GPC6: variants seen among roughly 807,000 people sequenced by gnomAD.
GPC6 encodes the protein glypican 6.
Under a neutral mutation model 55.2 loss-of-function variants are expected in GPC6, and 14 were observed. The observed-to-expected ratio is 0.25, with a 90% CI of 0.17 to 0.40. The LOEUF (loss-of-function observed/expected upper bound fraction) is 0.40, where lower values mean the gene tolerates loss of function less well. Among genes scored for constraint, GPC6 ranks in the 10% least tolerant of loss-of-function variants. The probability of loss-of-function intolerance (pLI) is 1.00; values close to 1 mark genes in which losing one functional copy is unlikely to be tolerated. For missense variants in GPC6, 641 were observed against 708.5 expected, an observed-to-expected ratio of 0.90 and a Z score of 1.08; for synonymous variants, 278 against 259.6, an observed-to-expected ratio of 1.07 and a Z score of -0.68.
At chr13:93,798,149 T>C (rs1469272959) in intron 2 of GPC6, among the ~76,000 whole-genome samples, 1 of 152,162 alleles carries the variant, frequency 6.6e-6, no homozygotes, top group African/African-American at 2.4e-5. Context: ...AGGTCTAGGG[T>C]GTGACTACCT....
In GPC6 at chr13:93,752,141, G is replaced by A. The variant is rs544474641; in HGVS notation, c.320-78013G>A. ...GGAGTAAGTTGGTTCCGAGTAAGTA[G>A]AGGACCACATAGACTGTATAATTTT... is the stretch of plus-strand genomic sequence containing the variant. On this transcript the variant is annotated intron_variant, in intron 2 of 8. Transcript: ENST00000377047. Among the ~76,000 whole-genome samples the A allele has an allele frequency of 7.9e-5, 12 of 152,124 alleles. No homozygotes were observed. The South Asian group carries it at 2.3e-3, about 29-fold the overall frequency.
In GPC6 at chr13:93,255,420, A is replaced by G. The variant is rs143990366; in HGVS notation, c.160+27804A>G. ...ACCATAGTCACCATACTGATCTAAC[A>G]CTGTCTCTTTTTTCTATCACATTTC... On this transcript the variant is annotated intron_variant, in intron 1 of 8. Coordinates refer to ENST00000377047, the MANE Select transcript of GPC6 (RefSeq NM_005708.5). Among the ~76,000 whole-genome samples the G allele has an allele frequency of 2.0e-5, 3 of 152,234 alleles. No homozygotes were observed. The East Asian group carries it at 5.8e-4, about 29-fold the overall frequency.
chr13:93,236,882 T>C (rs1305862343), intron 1 of GPC6, among the ~76,000 whole-genome samples: 1 of 152,208 alleles, frequency 6.6e-6, no homozygotes, highest in Non-Finnish European at 1.5e-5. Context: ...CCATCCAAGT[T>C]ACTGCAAAAG....
chr13:94,133,903 G>A (rs1887092964), intron 4 of GPC6, among the ~76,000 whole-genome samples: 1 of 152,026 alleles, frequency 6.6e-6, no homozygotes, highest in Admixed American at 6.6e-5. Flanking sequence ...GCCAAAGACA[G>A]GTACACACAA....
intron 3 of GPC6, among the ~76,000 whole-genome samples, chr13:93,897,941 A>G (rs1182481970): frequency 1.3e-5 from 2 of 152,160 alleles, no homozygotes; most frequent in African/African-American, 2.4e-5. Context: ...CAGTCATATC[A>G]TCTAAAACTT....
chr13:94,358,450 G>A (rs1221847254), intron 6 of GPC6, among the ~76,000 whole-genome samples: 1 of 152,124 alleles, frequency 6.6e-6, no homozygotes, highest in Non-Finnish European at 1.5e-5. Flanking sequence ...TATAGGCTTA[G>A]AAGAAGTGAA....
At chr13:93,773,913 C>T (rs892142045) in intron 2 of GPC6, among the ~76,000 whole-genome samples, 10 of 152,254 alleles carry the variant, frequency 6.6e-5, no homozygotes, top group African/African-American at 2.2e-4. Context: ...TATAGCAGTA[C>T]GTAGTGCCCA....
At chr13:94,174,101 G>A (rs561536432) in intron 4 of GPC6, among the ~76,000 whole-genome samples, 4 of 152,272 alleles carry the variant, frequency 2.6e-5, no homozygotes, top group African/African-American at 7.2e-5. Context: ...AATAAATCAT[G>A]TACTACTGTA....
intron 1 of GPC6, among the ~76,000 whole-genome samples, chr13:93,489,934 C>G (rs1266327299): frequency 6.6e-6 from 1 of 151,518 alleles, no homozygotes; most frequent in Non-Finnish European, 1.5e-5. Flanking sequence ...TTGACTTCCT[C>G]TTTTCCTAAT....
At chr13:93,924,490 A>G (rs939518659) in intron 3 of GPC6, among the ~76,000 whole-genome samples, 1 of 152,104 alleles carries the variant, frequency 6.6e-6, no homozygotes, top group Non-Finnish European at 1.5e-5. Context: ...ATTTAGGGGG[A>G]AAAAAAGCAT....
At chr13:94,133,250 C>G (rs1460644808) in intron 4 of GPC6, among the ~76,000 whole-genome samples, 1 of 116,648 alleles carries the variant, frequency 8.6e-6, no homozygotes, top group Non-Finnish European at 1.6e-5. Context: ...GCCCACCATA[C>G]AGGTACTGAC....
chr13:93,961,067 G>T (rs925690703), intron 3 of GPC6, among the ~76,000 whole-genome samples: 1 of 152,078 alleles, frequency 6.6e-6, no homozygotes. Context: ...GCCTGCCTTG[G>T]CCTCCCAAAG....
At chr13:93,331,589 G>T (rs1879847521) in intron 1 of GPC6, among the ~76,000 whole-genome samples, 1 of 151,860 alleles carries the variant, frequency 6.6e-6, no homozygotes, top group East Asian at 2.0e-4. Context: ...TAATATGGAA[G>T]ATATTTTAAA....
chr13:94,284,457 T>G (rs1045021530), intron 4 of GPC6, among the ~76,000 whole-genome samples: 29 of 53,954 alleles, frequency 5.4e-4, no homozygotes, highest in Admixed American at 3.2e-3. Context: ...TACATGTATG[T>G]TTTTTTTTTA....
chr13:93,746,714 T>G (rs1024356800), intron 2 of GPC6, among the ~76,000 whole-genome samples: 2 of 152,206 alleles, frequency 1.3e-5, no homozygotes, highest in African/African-American at 4.8e-5. Flanking sequence ...TGCATCTTGA[T>G]GTAAAGATTT....
chr13:93,351,402 A>T (rs1161516090), intron 1 of GPC6, among the ~76,000 whole-genome samples: 1 of 152,124 alleles, frequency 6.6e-6, no homozygotes, highest in East Asian at 1.9e-4. Flanking sequence ...TATTTTAAAC[A>T]TGATTTAGTT....
chr13:94,152,211 C>A (rs1887766121), intron 4 of GPC6, among the ~76,000 whole-genome samples: 3 of 152,182 alleles, frequency 2.0e-5, no homozygotes, highest in Admixed American at 2.0e-4. Context: ...AGTTTATTTC[C>A]TTCCAAACCT....
At chr13:94,226,690 C>T (rs915759002) in intron 4 of GPC6, among the ~76,000 whole-genome samples, 4 of 152,114 alleles carry the variant, frequency 2.6e-5, no homozygotes, top group South Asian at 4.1e-4. Context: ...TCACCATGAA[C>T]CTTCTGGAAT....
intron 3 of GPC6, among the ~76,000 whole-genome samples, chr13:93,895,946 G>C (rs1318883220): frequency 6.6e-6 from 1 of 152,024 alleles, no homozygotes; most frequent in Non-Finnish European, 1.5e-5. Context: ...CAGTTAGATA[G>C]AACAGAATGA....
Sources: gnomAD v4.1 joint callset for allele counts (sites outside exome capture counted in the v4.1 genomes callset) on GRCh38, gnomAD v4.1.1 for gene constraint, MANE v1.5 for transcripts, NCBI Gene and HGNC (gene_info 2026-07-23, HGNC 2026-07-21) for gene names.